Variants in MCMDC2 observed in about 807,000 individuals in gnomAD.
The protein encoded by MCMDC2 is minichromosome maintenance domain-containing protein 2.
MCMDC2 carries 54 observed loss-of-function variants against 75.8 expected under a neutral mutation model. The observed-to-expected ratio is 0.71, with a 90% CI of 0.57 to 0.89. MCMDC2 has a LOEUF of 0.89. Ranked by LOEUF, MCMDC2 falls within the 40% of genes least tolerant of loss-of-function variation. The pLI is 0.00. For missense variants in MCMDC2, 656 were observed against 780.4 expected (o/e 0.84, Z 1.90); for synonymous variants, 249 against 274.6 (o/e 0.91, Z 0.92).
intron 14 of MCMDC2, among the ~76,000 whole-genome samples, chr8:66,910,247 C>T (rs79823052): frequency 0.018 from 2,785 of 152,336 alleles, 88 homozygotes; most frequent in African/African-American, 0.062. Context: ...ACCTCCCACA[C>T]ACATAGTCCC....
intron 14 of MCMDC2, among the ~76,000 whole-genome samples, chr8:66,906,506 A>G (rs1194934973): frequency 6.6e-6 from 1 of 152,136 alleles, no homozygotes; most frequent in Non-Finnish European, 1.5e-5. Context: ...GGGGCTTGCA[A>G]ATCCCTAAAT....
chr8:66,889,124 C>T (rs1299523466), intron 9 of MCMDC2, among the ~76,000 whole-genome samples: 1 of 152,214 alleles, frequency 6.6e-6, no homozygotes, highest in African/African-American at 2.4e-5. Flanking sequence ...CTCTTTTGCA[C>T]TGCATGTCTA....
intron 14 of MCMDC2, among the ~76,000 whole-genome samples, chr8:66,916,823 T>C (rs1443260266): frequency 6.6e-6 from 1 of 152,130 alleles, no homozygotes; most frequent in Non-Finnish European, 1.5e-5. Context: ...GAAGTAAGTT[T>C]CTGGTGATAC....
Position 66,878,698 on chromosome 8 carries a change from T to G in MCMDC2, c.604+2T>G. On this transcript the variant is annotated splice_donor_variant, in intron 6 of 14. Coordinates refer to ENST00000422365, the MANE Select transcript of MCMDC2 (RefSeq NM_173518.5). LOFTEE classifies it high-confidence loss of function. ...ACAGAAAATTTAGAGTACTTGGTGGTAATATGCATTTATATTTTGTAATTA... is the reference window on the plus strand; with the variant it reads ...ACAGAAAATTTAGAGTACTTGGTGGGAATATGCATTTATATTTTGTAATTA... The G allele has an allele frequency of 2.6e-6, 4 of 1,554,396 alleles. No individual in the cohort carries two copies. Among genetic ancestry groups the G allele is most frequent in the Non-Finnish European group, 3.5e-6 (4 of 1,153,302 alleles).
At chr8:66,893,175 G>C (rs1812192886) in intron 10 of MCMDC2, among the ~76,000 whole-genome samples, 1 of 152,166 alleles carries the variant, frequency 6.6e-6, no homozygotes, top group African/African-American at 2.4e-5. Context: ...ATGTATAAGT[G>C]TGCTCAGGGC....
chr8:66,889,282 A>C (rs1022734956), intron 9 of MCMDC2, among the ~76,000 whole-genome samples: 1 of 152,162 alleles, frequency 6.6e-6, no homozygotes, highest in African/African-American at 2.4e-5. Context: ...TAAATTTGGG[A>C]TATGAAGAGA....
intron 11 of MCMDC2, among the ~76,000 whole-genome samples, chr8:66,896,577 A>G (rs1359052908): frequency 2.6e-5 from 4 of 152,162 alleles, no homozygotes; most frequent in Non-Finnish European, 5.9e-5. Context: ...AATGTATAAG[A>G]AAATACTCAC....
intron 14 of MCMDC2, among the ~76,000 whole-genome samples, chr8:66,906,661 C>G (rs933852404): frequency 5.3e-5 from 8 of 151,834 alleles, no homozygotes; most frequent in Admixed American, 3.9e-4. Flanking sequence ...AAGAGAATAA[C>G]GCTGGTTCCC....
At position 66,921,784 on chromosome 8, in the gene MCMDC2, G is replaced by A. The variant is rs945904498; in HGVS notation, c.*2615G>A. On this transcript the variant is annotated 3_prime_UTR_variant, in exon 15 of 15. Coordinates refer to ENST00000422365, the MANE Select transcript of MCMDC2 (RefSeq NM_173518.5). ...GGCTCTGAAGGGGAAGCCAGACAGG[G>A]AACCTAGAGGTACAAGCAATGTCTC... 3 of 152,156 alleles carry A rather than the reference G, an allele frequency of 2.0e-5. No homozygotes were observed. The highest frequency in any genetic ancestry group is 7.2e-5 in the African/African-American group (3 of 41,422). The allele number at this position is 152,156 out of a possible 1,614,324, so 9.4% of individuals were successfully genotyped here.
At chr8:66,924,977 A>C (rs1006370058), downstream of MCMDC2, among the ~76,000 whole-genome samples, 2 of 152,184 alleles carry the variant, frequency 1.3e-5, no homozygotes, top group Admixed American at 6.5e-5. Flanking sequence ...CTGACACCTA[A>C]GGGATAATCA....
chr8:66,881,866 T>C (rs531167924), intron 8 of MCMDC2, among the ~76,000 whole-genome samples: 7 of 152,358 alleles, frequency 4.6e-5, no homozygotes, highest in African/African-American at 1.4e-4. Context: ...TTCTTTTAAC[T>C]TGGCTCACAA....
intron 14 of MCMDC2, among the ~76,000 whole-genome samples, chr8:66,912,580 A>G (rs531252752): frequency 6.6e-6 from 1 of 152,350 alleles, no homozygotes; most frequent in African/African-American, 2.4e-5. Flanking sequence ...TGTGGCACAT[A>G]TACACCATGG....
intron 14 of MCMDC2, among the ~76,000 whole-genome samples, chr8:66,906,455 G>A (rs1406020120): frequency 1.3e-5 from 2 of 152,122 alleles, no homozygotes; most frequent in South Asian, 2.1e-4. Context: ...TTCTATAAAT[G>A]TCAAGCATTC....
intron 14 of MCMDC2, among the ~76,000 whole-genome samples, chr8:66,915,887 G>T (rs1305252523): frequency 2.7e-5 from 4 of 150,790 alleles, no homozygotes; most frequent in African/African-American, 9.9e-5. Context: ...AGAAAATCAA[G>T]TGTTGTGTGA....
chr8:66,913,731 C>T lies in MCMDC2; in HGVS notation c.1880-5272C>T, dbSNP rs369369663. Among the ~76,000 whole-genome samples the T allele has an allele frequency of 2.4e-3, 360 of 151,964 alleles. 4 individuals are homozygous for T. Among genetic ancestry groups the T allele is most frequent in the African/African-American group, 7.7e-3 (318 of 41,442 alleles). The stretch of plus-strand genomic sequence containing the variant: ...CTATAATCCCAACACTTTGGGAGGC[C>T]GGGGCAGCGGATCACTTGAGGTCAG... On this transcript the variant is annotated intron_variant, in intron 14 of 14. Transcript: ENST00000422365.
At chr8:66,881,636 A>T (rs771877678) in intron 8 of MCMDC2, among the ~76,000 whole-genome samples, 5 of 152,318 alleles carry the variant, frequency 3.3e-5, no homozygotes, top group Non-Finnish European at 2.9e-5. Flanking sequence ...CAGTGAGGCA[A>T]TATTGTACCA....
At position 66,883,829 on chromosome 8, in the gene MCMDC2, C is replaced by T; in HGVS notation, c.908C>T (p.Ala303Val). Residue 303 changes from alanine (A) to valine (V), a missense_variant, in exon 9 of 15, where the codon GCA (alanine) becomes GTA (valine). Transcript: ENST00000422365. ...TCCAGCTCATGCTGGAAGTTTACAG[C>T]AATACTTGCCAATATCTTTGCATCA... ...LTSSSCWKFT[A>V]ILANIFASQI... 1 of 1,613,906 alleles carries T rather than the reference C, an allele frequency of 6.2e-7. No homozygotes were observed. The highest frequency in any genetic ancestry group is 2.2e-5 in the East Asian group (1 of 44,862).
At chr8:66,913,312 A>G (rs1367072015) in intron 14 of MCMDC2, among the ~76,000 whole-genome samples, 1 of 152,224 alleles carries the variant, frequency 6.6e-6, no homozygotes, top group Non-Finnish European at 1.5e-5. Flanking sequence ...TGGGAAAACA[A>G]ATAATTGACG....
intron 1 of MCMDC2, chr8:66,871,355 T>C (rs1022532733): frequency 2.0e-5 from 3 of 152,182 alleles, no homozygotes; most frequent in Non-Finnish European, 4.4e-5. Context: ...GGGCTCTGTA[T>C]TTCCATTAGA....
Sources: gnomAD v4.1 joint callset for allele counts (sites outside exome capture counted in the v4.1 genomes callset) on GRCh38, gnomAD v4.1.1 for gene constraint, MANE v1.5 for transcripts, NCBI Gene and HGNC (gene_info 2026-07-23, HGNC 2026-07-21) for gene names.